The following MATN2 variants were observed in gnomAD, a reference collection of about 807,000 sequenced individuals.
MATN2 encodes matrilin-2.
In MATN2, 69 loss-of-function variants were observed where a neutral mutation model predicts 103.2. The ratio of observed to expected loss-of-function variants is 0.67; its 90% CI spans 0.55 to 0.82. MATN2 has a LOEUF of 0.82. Ranked by LOEUF, MATN2 falls within the 40% of genes least tolerant of loss-of-function variation. The pLI, the probability that MATN2 is intolerant of heterozygous loss-of-function variation, is 0.00. For synonymous variants in MATN2, 429 were observed against 450.2 expected (o/e 0.95, Z 0.60); for missense variants, 1,023 against 1,211.5 (o/e 0.84, Z 2.31).
intron 5 of MATN2, among the ~76,000 whole-genome samples, chr8:97,973,969 T>C (rs1811749227): frequency 6.6e-6 from 1 of 152,246 alleles, no homozygotes; most frequent in Non-Finnish European, 1.5e-5. Flanking sequence ...GCAGAACTCT[T>C]GTAAATTTTA....
At chr8:97,984,880 A>C (rs1451269921) in intron 6 of MATN2, among the ~76,000 whole-genome samples, 1 of 152,214 alleles carries the variant, frequency 6.6e-6, no homozygotes, top group Non-Finnish European at 1.5e-5. Context: ...AGAATACTAC[A>C]GGTCTCAACA....
At chr8:97,961,101 C>T (rs1811299757) in intron 4 of MATN2, among the ~76,000 whole-genome samples, 1 of 152,170 alleles carries the variant, frequency 6.6e-6, no homozygotes, top group Non-Finnish European at 1.5e-5. Context: ...AGGCGTGAGC[C>T]ACCGCATGGC....
rs546662467 is a variant in MATN2 at position 98,005,056 on chromosome 8, T to C, written c.1327+1273T>C. Among the ~76,000 whole-genome samples the C allele has an allele frequency of 2.0e-5, 3 of 152,280 alleles. No individual in the cohort carries two copies. The highest frequency in any genetic ancestry group is 7.2e-5 in the African/African-American group (3 of 41,560). On this transcript the variant is annotated intron_variant, in intron 8 of 18. Transcript: ENST00000254898. The surrounding 1 kb of genome is among the most constrained non-coding windows in gnomAD (Gnocchi z 4.6). ...TGCTCCCTTTGGAGAAAGAGATAGATTGTGAGTGAGGACAGTGCAGCTGTT... is the reference window on the plus strand; with the variant it reads ...TGCTCCCTTTGGAGAAAGAGATAGACTGTGAGTGAGGACAGTGCAGCTGTT...
intron 5 of MATN2, among the ~76,000 whole-genome samples, chr8:97,964,899 A>G (rs1484450921): frequency 6.6e-6 from 1 of 151,176 alleles, no homozygotes; most frequent in Non-Finnish European, 1.5e-5. Flanking sequence ...CGTCTGGCTA[A>G]TTTTTTGTAT....
At position 97,931,218 on chromosome 8, in the gene MATN2, T is replaced by C. The variant is rs2290470; in HGVS notation, c.408T>C (p.Thr136=). 0.35 allele frequency: 564,677 copies of C among 1,612,890 alleles called. 104,347 individuals are homozygous for C. The highest frequency in any genetic ancestry group is 0.71 in the East Asian group (31,983 of 44,806). Reference sequence around the variant, plus strand: ...GGCATCTGTCCACGGGCACCATGACTGGGCTGGCCATCCAGTATGCCCTGA... The same window carrying C: ...GGCATCTGTCCACGGGCACCATGACCGGGCTGGCCATCCAGTATGCCCTGA... ...RMRHLSTGTM[T]GLAIQYALNI... The change falls in exon 3 of 19, where the codon ACT becomes ACC. Residue 136 remains threonine (T), a synonymous_variant. Coordinates refer to ENST00000254898, the MANE Select transcript of MATN2 (RefSeq NM_002380.5). The surrounding 1 kb of genome is among the most constrained non-coding windows in gnomAD (Gnocchi z 4.1).
chr8:97,879,147 A>G (rs989491736), intron 1 of MATN2, among the ~76,000 whole-genome samples: 3 of 152,262 alleles, frequency 2.0e-5, no homozygotes, highest in South Asian at 2.1e-4. Flanking sequence ...TCAGGGGTCT[A>G]TGAAGCAGTC....
At chr8:98,035,314 G>A (rs966567403) in intron 18 of MATN2, among the ~76,000 whole-genome samples, 2 of 151,790 alleles carry the variant, frequency 1.3e-5, no homozygotes, top group African/African-American at 4.8e-5. Context: ...CCAAGATCGC[G>A]CCATTGCACT....
chr8:97,919,995 G>A (rs1809760036), intron 2 of MATN2, among the ~76,000 whole-genome samples: 1 of 152,180 alleles, frequency 6.6e-6, no homozygotes, highest in South Asian at 2.1e-4. Context: ...AGCAGAGAGG[G>A]CGCTGTGTAG....
chr8:98,019,884 GA>G (rs1162642724), intron 12 of MATN2, among the ~76,000 whole-genome samples: 11 of 152,370 alleles, frequency 7.2e-5, no homozygotes, highest in African/African-American at 2.4e-4. Flanking sequence ...GATAACTGGG[GA>G]TATTCCACAA....
intron 4 of MATN2, among the ~76,000 whole-genome samples, chr8:97,942,482 T>A (rs1177534731): frequency 6.6e-6 from 1 of 152,218 alleles, no homozygotes; most frequent in Non-Finnish European, 1.5e-5. Flanking sequence ...AGTATACTGA[T>A]ATTTGAGCCA....
At chr8:97,907,416 A>G (rs1165648886) in intron 2 of MATN2, among the ~76,000 whole-genome samples, 1 of 147,332 alleles carries the variant, frequency 6.8e-6, no homozygotes, top group Non-Finnish European at 1.5e-5. Flanking sequence ...GGTTCATGCC[A>G]TTCTCCTGCC....
rs1813581510 is a variant in MATN2, at chr8:98,021,278, C to T, written c.1893C>T (p.Cys631=). The change falls in exon 13 of 19, where the codon TGC becomes TGT. Residue 631 remains cysteine, a synonymous_variant. Coordinates refer to ENST00000254898, the MANE Select transcript of MATN2 (RefSeq NM_002380.5). ...ICVNNGNSYI[C]KCSEGFVLAE... Reference sequence around the variant, plus strand: ...TTAATAATGGGAATTCCTACATCTGCAAATGCTCAGAGGGATTTGTTCTAG... The same window carrying T: ...TTAATAATGGGAATTCCTACATCTGTAAATGCTCAGAGGGATTTGTTCTAG... 1.9e-6 allele frequency: 3 copies of T among 1,613,580 alleles called. No homozygotes were observed. The highest frequency in any genetic ancestry group is 2.5e-6 in the Non-Finnish European group (3 of 1,179,664).
At chr8:97,990,224 G>C (rs1265908397) in intron 6 of MATN2, among the ~76,000 whole-genome samples, 1 of 144,584 alleles carries the variant, frequency 6.9e-6, no homozygotes, top group East Asian at 2.0e-4. Context: ...CAATAAAAAT[G>C]GGAAAAATAT....
intron 2 of MATN2, among the ~76,000 whole-genome samples, chr8:97,911,738 C>T (rs904547597): frequency 6.6e-6 from 1 of 151,998 alleles, no homozygotes; most frequent in Admixed American, 6.5e-5. Context: ...TAAAGTTATG[C>T]GGCCAGTGTC....
intron 3 of MATN2, among the ~76,000 whole-genome samples, chr8:97,940,873 C>G (rs931811295): frequency 6.6e-6 from 1 of 152,100 alleles, no homozygotes; most frequent in Admixed American, 6.6e-5. Context: ...GAACTAAATG[C>G]AGAGGGCAGG....
chr8:97,956,923 C>A (rs1347918554), intron 4 of MATN2, among the ~76,000 whole-genome samples: 1 of 152,190 alleles, frequency 6.6e-6, no homozygotes, highest in Non-Finnish European at 1.5e-5. Context: ...GGGCCTTTTT[C>A]ATTGTTCATT....
At chr8:97,924,427 G>A (rs932194764) in intron 2 of MATN2, among the ~76,000 whole-genome samples, 3 of 152,018 alleles carry the variant, frequency 2.0e-5, no homozygotes, top group Non-Finnish European at 2.9e-5. Context: ...CCATCTGCTC[G>A]TGGGAACTTT....
chr8:97,933,001 G>T (rs1810248030), intron 3 of MATN2, among the ~76,000 whole-genome samples: 1 of 152,160 alleles, frequency 6.6e-6, no homozygotes, highest in African/African-American at 2.4e-5. Flanking sequence ...ACATATTCTA[G>T]ACCTCTAAGA....
In MATN2 at chr8:98,021,215, C is replaced by G. The variant is rs776690793; in HGVS notation, c.1830C>G (p.Val610=). Residue 610 remains valine (V), a synonymous_variant, in exon 13 of 19, where the codon GTC becomes GTG. Coordinates refer to ENST00000254898, the MANE Select transcript of MATN2 (RefSeq NM_002380.5). The part of the protein sequence containing the change: ...EDGKRCRRKD[V]CKSTHHGCEH... ...CTACATTTTCCTCAGGGAAGGATGT[C>G]TGCAAATCAACCCACCATGGCTGCG... 1.2e-5 allele frequency: 20 copies of G among 1,613,486 alleles called. No individual in the cohort carries two copies. The highest frequency in any genetic ancestry group is 1.7e-5 in the Admixed American group (1 of 60,016).
Sources: allele counts gnomAD v4.1 joint callset (sites outside exome capture counted in the v4.1 genomes callset), GRCh38; gene constraint gnomAD v4.1.1; non-coding constraint Gnocchi (gnomAD v3.1); transcripts MANE v1.5; gene names NCBI Gene and HGNC (gene_info 2026-07-23, HGNC 2026-07-21).